LRRC49: variants seen among roughly 807,000 people sequenced by gnomAD.
The protein encoded by LRRC49 is leucine-rich repeat-containing protein 49.
A neutral mutation model predicts 83.3 loss-of-function variants in LRRC49; 50 were observed. The ratio of observed to expected loss-of-function variants is 0.60; its 90% confidence interval spans 0.48 to 0.76. LRRC49 has a LOEUF of 0.76. LRRC49 is among the 30% of genes least tolerant of loss of function. The pLI, the probability that LRRC49 is intolerant of heterozygous loss-of-function variation, is 0.00. For synonymous variants in LRRC49, 286 were observed against 283.3 expected, an observed-to-expected ratio of 1.01 and a Z score of -0.10; for missense variants, 704 against 809.1, an observed-to-expected ratio of 0.87 and a Z score of 1.58.
At chr15:70,892,146 C>G (rs1344454685), upstream of LRRC49, 1 of 1,613,368 alleles carries the variant, frequency 6.2e-7, no homozygotes, top group Non-Finnish European at 8.5e-7. Context: ...CCGTACCAGT[C>G]GGCGCGGCAA....
rs1213570803 is a variant in LRRC49 at position 71,051,543 on chromosome 15, G to A, written c.*1931G>A. 6.6e-6 allele frequency: 1 copy of A among 152,254 alleles called. No homozygotes were observed. The highest frequency in any genetic ancestry group is 1.5e-5 in the Non-Finnish European group (1 of 68,086). The allele number at this position is 152,254 out of a possible 1,614,324, so 9.4% of individuals were successfully genotyped here. A position where few individuals can be genotyped will look rare whatever the true frequency, so the allele number is the denominator to read the frequency against. The stretch of plus-strand genomic sequence containing the variant: ...GGAGAACCAAGAGTATATTGTCTGT[G>A]GGATTCTGGCAGATTGGAAAGATGT... On this transcript the variant is annotated 3_prime_UTR_variant, in exon 16 of 16. Coordinates refer to ENST00000260382, the MANE Select transcript of LRRC49 (RefSeq NM_017691.5).
chr15:70,870,210 A>G (rs1595970279), intron 1 of LRRC49, among the ~76,000 whole-genome samples: 1 of 152,266 alleles, frequency 6.6e-6, no homozygotes, highest in Non-Finnish European at 1.5e-5. Context: ...GGTTTTCTCC[A>G]TTGATTTATA....
At chr15:70,951,898 G>T (rs2036230286) in intron 8 of LRRC49, among the ~76,000 whole-genome samples, 1 of 152,136 alleles carries the variant, frequency 6.6e-6, no homozygotes, top group Non-Finnish European at 1.5e-5. Context: ...TTGTCTATAG[G>T]TTTATGTTAT....
intron 1 of LRRC49, among the ~76,000 whole-genome samples, chr15:70,871,845 G>C (rs1361228256): frequency 6.6e-6 from 1 of 150,732 alleles, no homozygotes; most frequent in East Asian, 2.0e-4. Flanking sequence ...ATGGGCGGCC[G>C]GGCAGAGACG....
intron 1 of LRRC49, among the ~76,000 whole-genome samples, chr15:70,868,842 A>G (rs746392326): frequency 6.6e-6 from 1 of 152,240 alleles, no homozygotes; most frequent in Non-Finnish European, 1.5e-5. Flanking sequence ...AATCCCATCT[A>G]ATCATTGTGG....
At chr15:70,978,649 A>T (rs988969071) in intron 9 of LRRC49, among the ~76,000 whole-genome samples, 1 of 152,178 alleles carries the variant, frequency 6.6e-6, no homozygotes, top group Admixed American at 6.5e-5. Context: ...TATCAAAAGG[A>T]TAGAAATATG....
intron 8 of LRRC49, among the ~76,000 whole-genome samples, chr15:70,940,694 T>C (rs2035782604): frequency 6.6e-6 from 1 of 152,208 alleles, no homozygotes; most frequent in African/African-American, 2.4e-5. Flanking sequence ...GTATGCAGCA[T>C]ACTGTTAGAA....
chr15:70,903,547 A>G (rs1287635985), intron 4 of LRRC49, among the ~76,000 whole-genome samples: 2 of 151,718 alleles, frequency 1.3e-5, no homozygotes, highest in Non-Finnish European at 2.9e-5. Context: ...TTTTCTCTTT[A>G]TCAGGAAGAT....
At chr15:70,935,623 GGATTAAATATTGGTCACAATAAC>G (rs2035567608) in intron 7 of LRRC49, among the ~76,000 whole-genome samples, 1 of 152,056 alleles carries the variant, frequency 6.6e-6, no homozygotes, top group Non-Finnish European at 1.5e-5. Flanking sequence ...TTTTGATTTA[GGATTAAATATTGGTCACAATAAC>G]ATATAAAATA....
intron 5 of LRRC49, among the ~76,000 whole-genome samples, chr15:70,907,275 G>T (rs970826244): frequency 2.0e-5 from 3 of 152,170 alleles, no homozygotes; most frequent in Admixed American, 1.3e-4. Flanking sequence ...ATTGCCTTTT[G>T]GTCCAAGGCA....
chr15:71,047,478 C>T (rs1336530957), intron 15 of LRRC49, among the ~76,000 whole-genome samples: 1 of 152,112 alleles, frequency 6.6e-6, no homozygotes, highest in Non-Finnish European at 1.5e-5. Flanking sequence ...ATTTCACTGT[C>T]AGCCTGGATG....
intron 1 of LRRC49, among the ~76,000 whole-genome samples, chr15:70,870,851 C>A (rs2141075754): frequency 6.6e-6 from 1 of 151,944 alleles, no homozygotes; most frequent in Admixed American, 6.5e-5. Flanking sequence ...CACTGGGAAT[C>A]AAATTGTAAC....
intron 11 of LRRC49, among the ~76,000 whole-genome samples, chr15:70,991,921 G>A (rs1334986799): frequency 6.6e-6 from 1 of 152,198 alleles, no homozygotes; most frequent in Non-Finnish European, 1.5e-5. Context: ...TGTAGTTAGA[G>A]TCTAACATAT....
At chr15:70,877,283 C>A (rs547615243) in intron 2 of LRRC49, among the ~76,000 whole-genome samples, 1 of 152,112 alleles carries the variant, frequency 6.6e-6, no homozygotes, top group South Asian at 2.1e-4. Context: ...TTAATGTAAC[C>A]CTCATCACAT....
intron 9 of LRRC49, among the ~76,000 whole-genome samples, chr15:70,969,743 A>G (rs2036925321): frequency 6.6e-6 from 1 of 152,018 alleles, no homozygotes; most frequent in Non-Finnish European, 1.5e-5. Context: ...GTTTGTAGCA[A>G]TTGTGAATGG....
At chr15:71,004,812 G>A (rs542430380) in intron 11 of LRRC49, among the ~76,000 whole-genome samples, 27 of 152,100 alleles carry the variant, frequency 1.8e-4, no homozygotes, top group African/African-American at 3.1e-4. Context: ...ATCAAATACC[G>A]CATGCTCTTA....
chr15:70,868,252 C>T (rs1876900564), intron 1 of LRRC49, among the ~76,000 whole-genome samples: 1 of 152,138 alleles, frequency 6.6e-6, no homozygotes, highest in Non-Finnish European at 1.5e-5. Flanking sequence ...TCTATTGGGG[C>T]TAAATGATAT....
chr15:70,859,102 G>T (rs1204077982), intron 1 of LRRC49: 11 of 1,469,366 alleles, frequency 7.5e-6, no homozygotes, highest in Non-Finnish European at 1.0e-5. Context: ...AGCAGCAGAA[G>T]ATGGCTCGGA....
chr15:70,930,095 TC>T (rs1174637267), intron 7 of LRRC49, among the ~76,000 whole-genome samples: 3 of 152,164 alleles, frequency 2.0e-5, no homozygotes, highest in Non-Finnish European at 4.4e-5. Flanking sequence ...TAGAAAGTTT[TC>T]AGTCTACTTT....
Sources: allele counts gnomAD v4.1 joint callset (sites outside exome capture counted in the v4.1 genomes callset), GRCh38; gene constraint gnomAD v4.1.1; transcripts MANE v1.5; gene names NCBI Gene and HGNC (gene_info 2026-07-23, HGNC 2026-07-21).